Variants in TCEA2 observed in about 807,000 individuals in gnomAD.
TCEA2 encodes the protein transcription elongation factor A protein 2.
In TCEA2, 21 loss-of-function variants were observed where a neutral mutation model predicts 40.8. The observed-to-expected ratio is 0.51, with a 90% confidence interval of 0.36 to 0.74. The LOEUF is 0.74. Ranked by LOEUF, TCEA2 falls within the 30% of genes least tolerant of loss-of-function variation. The pLI, the probability that TCEA2 is intolerant of heterozygous loss-of-function variation, is 0.00. For missense variants in TCEA2, 326 were observed against 426.5 expected (o/e 0.76, Z 2.08); for synonymous variants, 165 against 162.7 (o/e 1.01, Z -0.11).
At chr20:64,067,059 G>A (rs1303490048) in intron 3 of TCEA2, 39 bp downstream of exon 3, 1 of 1,565,212 alleles carries the variant, frequency 6.4e-7, no homozygotes, top group Non-Finnish European at 8.7e-7. Context: ...CTGGGGCAGG[G>A]GTCCCAGAAG....
At chr20:64,071,029 T>A (rs2059816963) in intron 8 of TCEA2, among the ~76,000 whole-genome samples, 1 of 152,072 alleles carries the variant, frequency 6.6e-6, no homozygotes, top group African/African-American at 2.4e-5. Context: ...AGACTGTGGA[T>A]CCCATGAGAT....
intron 1 of TCEA2, chr20:64,064,010 ATCC>A (rs2059629089): frequency 6.6e-6 from 1 of 152,426 alleles, no homozygotes; most frequent in African/African-American, 2.4e-5. Context: ...AGCCCTTGTC[ATCC>A]TCCTTCACAG....
intron 5 of TCEA2, 64 bp downstream of exon 5, chr20:64,069,555 C>T (rs1271618963): frequency 3.2e-6 from 5 of 1,583,570 alleles, no homozygotes; most frequent in South Asian, 1.1e-5. Flanking sequence ...CGGGCCCCTG[C>T]CTGCCCGCAG....
At chr20:64,060,205 T>C (rs901285689), upstream of TCEA2, among the ~76,000 whole-genome samples, 12 of 152,302 alleles carry the variant, frequency 7.9e-5, no homozygotes, top group East Asian at 2.3e-3. Context: ...CTGCAGCCCT[T>C]ACCAGCATCT....
At chr20:64,066,360 C>G in intron 1 of TCEA2, 116 bp from the exon 2 acceptor site, 1 of 1,321,768 alleles carries the variant, frequency 7.6e-7, no homozygotes. Flanking sequence ...TCTTTTTGAC[C>G]CCAGGTTGAA....
At position 64,063,251 on chromosome 20, in the gene TCEA2, C is replaced by T. The variant is rs2059607634; in HGVS notation, c.-62C>T. ...TGTGGGAGGTGGCGACGGCCGGGGCCGGGGTCCTGCCCGGCTGCGGAGGCG... is the reference window on the plus strand; with the variant it reads ...TGTGGGAGGTGGCGACGGCCGGGGCTGGGGTCCTGCCCGGCTGCGGAGGCG... On this transcript the variant is annotated 5_prime_UTR_variant, in exon 1 of 10. Transcript: ENST00000343484. 5 of 1,436,176 alleles carry T rather than the reference C, an allele frequency of 3.5e-6. No homozygotes were observed. The African/African-American group carries it at 6.0e-5, about 17-fold the overall frequency. The allele number at this position is 1,436,176 out of a possible 1,614,324, so 89.0% of individuals were successfully genotyped here. A position where few individuals can be genotyped will look rare whatever the true frequency, so the allele number is the denominator to read the frequency against.
chr20:64,063,392 G>A lies in TCEA2; in HGVS notation c.72+8G>A, dbSNP rs199825146. The A allele has an allele frequency of 3.9e-5, 61 of 1,545,038 alleles. 1 individual carries two copies. The East Asian group carries it at 1.4e-3, about 36-fold the overall frequency. ...GTGACCAAGAAGAGCGCGGTGAGGG[G>A]CGCGGGCCGCCAGGACCCCGGGAAC... On this transcript the variant is annotated splice_region_variant and intron_variant, in intron 1 of 9. Transcript: ENST00000343484.
intron 8 of TCEA2, among the ~76,000 whole-genome samples, chr20:64,071,362 A>AG (rs921376811): frequency 1.3e-5 from 2 of 150,250 alleles, no homozygotes; most frequent in African/African-American, 4.9e-5. Context: ...AAAAAAAAAA[A>AG]GAGGGGAGTG....
chr20:64,070,863 A>G (rs532855523), intron 8 of TCEA2, among the ~76,000 whole-genome samples: 49 of 152,320 alleles, frequency 3.2e-4, no homozygotes, highest in African/African-American at 1.1e-3. Context: ...CTTGTTGCGG[A>G]TACTCAAGTC....
At chr20:64,068,360 C>T (rs1453782033) in intron 4 of TCEA2, among the ~76,000 whole-genome samples, 1 of 152,212 alleles carries the variant, frequency 6.6e-6, no homozygotes, top group Non-Finnish European at 1.5e-5. Flanking sequence ...TGGCCTCTTC[C>T]TCTGCCAAGA....
At chr20:64,068,600 T>C (rs910631983) in intron 4 of TCEA2, among the ~76,000 whole-genome samples, 1 of 152,252 alleles carries the variant, frequency 6.6e-6, no homozygotes, top group Non-Finnish European at 1.5e-5. Flanking sequence ...AAGGGCTCTG[T>C]GGCCTGCAGC....
In TCEA2 at chr20:64,071,855, C is replaced by A. The variant is rs767475110; in HGVS notation, c.820-15C>A. ...GCATGGAGGTGACCCTGGGTTCACC[C>A]AGCCCTGTTCACAGGTGCAGACCCG... is the stretch of plus-strand genomic sequence containing the variant. On this transcript the variant is annotated splice_polypyrimidine_tract_variant and intron_variant, in intron 8 of 9. Coordinates refer to ENST00000343484, the MANE Select transcript of TCEA2 (RefSeq NM_003195.6). 2.5e-6 allele frequency: 4 copies of A among 1,613,710 alleles called. No homozygotes were observed. The highest frequency in any genetic ancestry group is 3.4e-6 in the Non-Finnish European group (4 of 1,179,920).
intron 4 of TCEA2, among the ~76,000 whole-genome samples, chr20:64,068,486 G>A (rs1258575419): frequency 1.3e-5 from 2 of 152,202 alleles, no homozygotes; most frequent in South Asian, 2.1e-4. Context: ...CTCACTCAAC[G>A]ACGGTCCCTC....
intron 8 of TCEA2, 94 bp from the exon 9 acceptor site, chr20:64,071,776 C>T (rs926375875): frequency 4.1e-6 from 6 of 1,454,668 alleles, no homozygotes; most frequent in Non-Finnish European, 4.7e-6. Context: ...TGTGGGAGCT[C>T]AGTGGCTGCG....
rs757729945 is a variant in TCEA2 at position 64,069,812 on chromosome 20, A to C, written c.508A>C (p.Ile170Leu). ...GADCERLSAQ[I>L]EECIFRDVGN... Reference sequence around the variant, plus strand: ...GGACTGCGAGCGCCTGTCGGCTCAGATCGAGGAATATATCCTTTGGGTAGG... The same window carrying C: ...GGACTGCGAGCGCCTGTCGGCTCAGCTCGAGGAATATATCCTTTGGGTAGG... Residue 170 changes from isoleucine to leucine, a missense_variant, in exon 6 of 10, where the codon ATC becomes CTC. By Grantham distance (5) the Ile-to-Leu change is conservative (BLOSUM62 2). Transcript: ENST00000343484. The C allele has an allele frequency of 3.1e-6, 5 of 1,613,728 alleles. No individual in the cohort carries two copies. Among genetic ancestry groups the C allele is most frequent in the Non-Finnish European group, 4.2e-6 (5 of 1,180,002 alleles).
chr20:64,063,652 A>AC (rs2059620298), intron 1 of TCEA2: 2 of 495,858 alleles, frequency 4.0e-6, no homozygotes, highest in Non-Finnish European at 7.2e-6. Context: ...CTGGACTCAG[A>AC]CCCCTCCCTC....
intron 8 of TCEA2, among the ~76,000 whole-genome samples, 197 bp from the exon 9 acceptor site, chr20:64,071,673 C>T (rs1455315397): frequency 6.6e-6 from 1 of 152,242 alleles, no homozygotes; most frequent in Non-Finnish European, 1.5e-5. Context: ...CAGGCTCACA[C>T]AAGGGCCTCT....
In TCEA2 at chr20:64,063,582, C is replaced by G. The variant is rs2059618693; in HGVS notation, c.72+198C>G. 12 of 634,362 alleles carry G rather than the reference C, an allele frequency of 1.9e-5. No individual in the cohort carries two copies. In the South Asian group the frequency reaches 2.4e-4, roughly 12 times the overall value. The allele number at this position is 634,362 out of a possible 1,614,324, so 39.3% of individuals were successfully genotyped here. A position where few individuals can be genotyped will look rare whatever the true frequency, so the allele number is the denominator to read the frequency against. On this transcript the variant is annotated intron_variant, in intron 1 of 9. Coordinates refer to ENST00000343484, the MANE Select transcript of TCEA2 (RefSeq NM_003195.6). The stretch of plus-strand genomic sequence containing the variant: ...CCCGGGCCAGCCCTGCCGTTCACTC[C>G]CGCAACCCCGGCAGAGGCCGCGATC...
intron 5 of TCEA2, 71 bp downstream of exon 5, chr20:64,069,562 G>A (rs748825223): frequency 4.3e-5 from 68 of 1,576,334 alleles, no homozygotes; most frequent in African/African-American, 8.1e-5. Context: ...CTGCCTGCCC[G>A]CAGAGGCCTG....
Sources: allele counts gnomAD v4.1 joint callset (sites outside exome capture counted in the v4.1 genomes callset), GRCh38; gene constraint gnomAD v4.1.1; transcripts MANE v1.5; gene names NCBI Gene and HGNC (gene_info 2026-07-23, HGNC 2026-07-21).